Variants in PTPRG observed in about 807,000 individuals in gnomAD.
PTPRG encodes the protein receptor-type tyrosine-protein phosphatase gamma.
Under a neutral mutation model 165.3 loss-of-function variants are expected in PTPRG, and 102 were observed. That is an observed-to-expected ratio of 0.62 (90% CI 0.53 to 0.73). PTPRG has a LOEUF of 0.73. PTPRG is among the 30% of genes least tolerant of loss of function. PTPRG has a pLI of 0.00. For synonymous variants in PTPRG, 675 were observed against 669.5 expected, an observed-to-expected ratio of 1.01 and a Z score of -0.13; for missense variants, 1,866 against 1,861.4, an observed-to-expected ratio of 1.00 and a Z score of -0.05.
chr3:61,786,242 A>G (rs780190658), intron 2 of PTPRG, among the ~76,000 whole-genome samples: 13 of 152,224 alleles, frequency 8.5e-5, no homozygotes, highest in African/African-American at 1.2e-4. Flanking sequence ...GCATTGGCCA[A>G]TGGACACTTT....
chr3:62,098,774 A>T (rs1702196549), intron 5 of PTPRG, among the ~76,000 whole-genome samples: 1 of 152,176 alleles, frequency 6.6e-6, no homozygotes, highest in South Asian at 2.1e-4. Context: ...AAGTATGTTT[A>T]TATTTTCTCT....
chr3:62,013,585 G>A (rs968171986), intron 4 of PTPRG, among the ~76,000 whole-genome samples: 4 of 152,132 alleles, frequency 2.6e-5, no homozygotes, highest in Admixed American at 2.0e-4. Context: ...TTGCAGCAGG[G>A]CTTGGGTAGC....
chr3:61,753,737 G>A (rs2033538465), intron 2 of PTPRG: 1 of 376,038 alleles, frequency 2.7e-6, no homozygotes, highest in South Asian at 2.0e-5. Flanking sequence ...GGGATTATAG[G>A]TGTGCACAAT....
chr3:61,948,901 G>A (rs1286866020), intron 2 of PTPRG, among the ~76,000 whole-genome samples: 1 of 152,158 alleles, frequency 6.6e-6, no homozygotes, highest in Non-Finnish European at 1.5e-5. Context: ...CACTGTTAAT[G>A]TCTATGATTA....
chr3:62,089,192 C>A (rs1325020949), intron 5 of PTPRG, among the ~76,000 whole-genome samples: 1 of 152,218 alleles, frequency 6.6e-6, no homozygotes, highest in East Asian at 1.9e-4. Flanking sequence ...GACCCACATT[C>A]CCAAAGCAGA....
rs532586155 is a variant in PTPRG at position 61,891,694 on chromosome 3, C to T, written c.191-97931C>T. Among the ~76,000 whole-genome samples, 9 of 152,216 alleles carry T rather than the reference C, an allele frequency of 5.9e-5. No individual in the cohort carries two copies. The South Asian group carries it at 1.2e-3, about 21-fold the overall frequency. On this transcript the variant is annotated intron_variant, in intron 2 of 29. Transcript: ENST00000474889. ...CAGAGGCTAGTTTTAAACTAGAAAA[C>T]GCATTTTAATCTAAAGAGAGGCAAA... is the stretch of plus-strand genomic sequence containing the variant.
At chr3:62,248,508 A>G (rs1701340654) in intron 15 of PTPRG, among the ~76,000 whole-genome samples, 1 of 152,210 alleles carries the variant, frequency 6.6e-6, no homozygotes, top group South Asian at 2.1e-4. Flanking sequence ...TTTAAGATCC[A>G]TAATATTCTT....
chr3:61,948,218 G>A (rs963613770), intron 2 of PTPRG, among the ~76,000 whole-genome samples: 4 of 152,064 alleles, frequency 2.6e-5, no homozygotes, highest in African/African-American at 7.2e-5. Context: ...CCAGCTACTC[G>A]AGAGGCTGAG....
chr3:61,910,444 T>A (rs773607807), intron 2 of PTPRG, among the ~76,000 whole-genome samples: 7 of 152,198 alleles, frequency 4.6e-5, no homozygotes, highest in Admixed American at 2.6e-4. Flanking sequence ...AAATGGTAAC[T>A]CACTGTTTTA....
chr3:61,608,979 T>C (rs1363874694), intron 1 of PTPRG, among the ~76,000 whole-genome samples: 1 of 152,020 alleles, frequency 6.6e-6, no homozygotes, highest in African/African-American at 2.4e-5. Flanking sequence ...GCATGAGGAG[T>C]GGCAGGAGTA....
At chr3:61,970,807 T>C (rs1217557015) in intron 2 of PTPRG, among the ~76,000 whole-genome samples, 1 of 126,550 alleles carries the variant, frequency 7.9e-6, no homozygotes, top group African/African-American at 2.7e-5. Context: ...AATAAAGGAA[T>C]TTGAACCAAA....
At chr3:61,729,753 G>A (rs746809204) in intron 1 of PTPRG, among the ~76,000 whole-genome samples, 1 of 152,090 alleles carries the variant, frequency 6.6e-6, no homozygotes, top group African/African-American at 2.4e-5. Flanking sequence ...TTGAACAGTG[G>A]TTATGGTTAT....
chr3:61,664,516 G>A (rs1200207746), intron 1 of PTPRG, among the ~76,000 whole-genome samples: 14 of 152,192 alleles, frequency 9.2e-5, no homozygotes, highest in Non-Finnish European at 1.6e-4. Flanking sequence ...ATAATTATGA[G>A]CATTACTTTT....
At chr3:61,858,287 A>G (rs2037170429) in intron 2 of PTPRG, among the ~76,000 whole-genome samples, 1 of 152,216 alleles carries the variant, frequency 6.6e-6, no homozygotes, top group Non-Finnish European at 1.5e-5. Context: ...TAGTTCAGAA[A>G]GTAGATGGAG....
chr3:61,671,138 C>CTTTTCTTTTTTTTTTTT (rs1246896291), intron 1 of PTPRG, among the ~76,000 whole-genome samples: 1 of 125,012 alleles, frequency 8.0e-6, no homozygotes, highest in African/African-American at 3.0e-5. Flanking sequence ...TATGAACTTT[C>CTTTTCTTTTTTTTTTTT]TTTTTTTTTT....
At chr3:61,829,130 G>A (rs1301242784) in intron 2 of PTPRG, among the ~76,000 whole-genome samples, 1 of 152,170 alleles carries the variant, frequency 6.6e-6, no homozygotes, top group Non-Finnish European at 1.5e-5. Context: ...GGATATGAAG[G>A]AAGATACTCA....
chr3:62,253,261 G>GT (rs1316092019), intron 15 of PTPRG, among the ~76,000 whole-genome samples: 1 of 152,136 alleles, frequency 6.6e-6, no homozygotes, highest in East Asian at 1.9e-4. Context: ...TCACGGCACT[G>GT]TAAGTTCTCG....
intron 2 of PTPRG, among the ~76,000 whole-genome samples, chr3:61,771,811 A>C (rs1191495406): frequency 6.6e-6 from 1 of 151,996 alleles, no homozygotes; most frequent in African/African-American, 2.4e-5. Flanking sequence ...CTATAATCCC[A>C]CCACTTTGGG....
rs773860673 is a variant in PTPRG, at chr3:61,592,641, C to CTTTTTT, written c.85+30272_85+30273insTTTTTT. The stretch of plus-strand genomic sequence containing the variant: ...CTTTTCTCTCTCTTTTTCTTTCTTT[C>CTTTTTT]TTTCTTTCTTTTTTTTTTTTTTTAA... On this transcript the variant is annotated intron_variant, in intron 1 of 29. Coordinates refer to ENST00000474889, the MANE Select transcript of PTPRG (RefSeq NM_002841.4). Among the ~76,000 whole-genome samples, 14 of 140,002 alleles carry CTTTTTT rather than the reference C, an allele frequency of 1.0e-4. 2 individuals are homozygous for CTTTTTT. The highest frequency in any genetic ancestry group is 2.2e-4 in the South Asian group (1 of 4,514). The allele number at this position is 140,002 out of a possible 152,430, so 91.8% of individuals were successfully genotyped here.
Sources: gnomAD v4.1 joint callset for allele counts (sites outside exome capture counted in the v4.1 genomes callset) on GRCh38, gnomAD v4.1.1 for gene constraint, MANE v1.5 for transcripts, NCBI Gene and HGNC (gene_info 2026-07-23, HGNC 2026-07-21) for gene names.